NELL1: variants seen among roughly 807,000 people sequenced by gnomAD.
The protein encoded by NELL1 is neural EGFL like 1.
In NELL1, 76 loss-of-function variants were observed where a neutral mutation model predicts 107.4. That is an observed-to-expected ratio of 0.71 (90% CI 0.59 to 0.86). The LOEUF is 0.86. Ranked by LOEUF, NELL1 falls within the 40% of genes least tolerant of loss-of-function variation. The pLI is 0.00. For synonymous variants in NELL1, 353 were observed against 341.2 expected (o/e 1.03, Z -0.38); for missense variants, 1,024 against 1,005.5 (o/e 1.02, Z -0.25).
At chr11:21,516,284 C>T (rs1183041306) in intron 15 of NELL1, among the ~76,000 whole-genome samples, 1 of 152,086 alleles carries the variant, frequency 6.6e-6, no homozygotes, top group Non-Finnish European at 1.5e-5. Flanking sequence ...ACTTAATAGG[C>T]ATTGAAAAAA....
chr11:21,528,020 A>C (rs572104850), intron 15 of NELL1, among the ~76,000 whole-genome samples: 115 of 152,298 alleles, frequency 7.6e-4, no homozygotes, highest in African/African-American at 2.6e-3. Flanking sequence ...TGCATCCTTC[A>C]GTCCAATCAA....
chr11:21,483,868 A>AAT (rs1158492147), intron 15 of NELL1, among the ~76,000 whole-genome samples: 2 of 138,372 alleles, frequency 1.4e-5, no homozygotes, highest in African/African-American at 5.4e-5. Flanking sequence ...TACATATACA[A>AAT]ACACACACAC....
intron 13 of NELL1, among the ~76,000 whole-genome samples, chr11:21,223,412 T>C (rs1857812456): frequency 6.6e-6 from 1 of 152,192 alleles, no homozygotes; most frequent in Admixed American, 6.5e-5. Context: ...TCTATTTGTG[T>C]GGAATATATT....
At position 21,073,791 on chromosome 11, in the gene NELL1, C is replaced by T. The variant is rs1349111392; in HGVS notation, c.1301-39798C>T. 5.9e-5 allele frequency among the ~76,000 whole-genome samples: 9 copies of T among 152,222 alleles called. No individual in the cohort carries two copies. In the South Asian group the frequency reaches 1.5e-3, roughly 25 times the overall value. ...TACATTTTAGTAATATATTTCTAAA[C>T]GTTACTTCGGTTGCTAGATTCAACC... is the stretch of plus-strand genomic sequence containing the variant. On this transcript the variant is annotated intron_variant, in intron 12 of 19. Coordinates refer to ENST00000357134, the MANE Select transcript of NELL1 (RefSeq NM_006157.5).
intron 2 of NELL1, among the ~76,000 whole-genome samples, chr11:20,712,082 C>A (rs1049187348): frequency 1.3e-5 from 2 of 152,070 alleles, no homozygotes; most frequent in African/African-American, 4.8e-5. Flanking sequence ...CTCAGGAGCA[C>A]CAATTATTCT....
chr11:21,343,191 G>C (rs1345469889), intron 14 of NELL1, among the ~76,000 whole-genome samples: 1 of 151,382 alleles, frequency 6.6e-6, no homozygotes, highest in Non-Finnish European at 1.5e-5. Context: ...ATAAAGTCCA[G>C]ACTCCCCAGC....
chr11:21,148,307 C>G (rs1456729976), intron 13 of NELL1, among the ~76,000 whole-genome samples: 1 of 152,160 alleles, frequency 6.6e-6, no homozygotes, highest in African/African-American at 2.4e-5. Flanking sequence ...TCAGAAATTG[C>G]ACAACCTCAC....
At chr11:21,150,483 A>G (rs1358585890) in intron 13 of NELL1, among the ~76,000 whole-genome samples, 12 of 152,162 alleles carry the variant, frequency 7.9e-5, no homozygotes, top group Admixed American at 7.9e-4. Flanking sequence ...GCTAAGAGCC[A>G]TAAGAAGGGC....
intron 4 of NELL1, among the ~76,000 whole-genome samples, chr11:20,864,445 C>T (rs1187227315): frequency 2.6e-5 from 4 of 152,164 alleles, no homozygotes; most frequent in Admixed American, 6.5e-5. Context: ...ATCCTTTGAC[C>T]GACATCTCCT....
At chr11:21,458,479 G>GA (rs1313975079) in intron 15 of NELL1, among the ~76,000 whole-genome samples, 1 of 152,070 alleles carries the variant, frequency 6.6e-6, no homozygotes, top group Non-Finnish European at 1.5e-5. Context: ...GCTGAACAAA[G>GA]AAGGCACAAT....
intron 14 of NELL1, among the ~76,000 whole-genome samples, chr11:21,348,156 T>A (rs1423105142): frequency 1.3e-5 from 2 of 152,138 alleles, no homozygotes; most frequent in East Asian, 3.8e-4. Context: ...CTAGATAGAA[T>A]CATTAAGATA....
intron 14 of NELL1, among the ~76,000 whole-genome samples, chr11:21,279,728 A>G (rs1271641108): frequency 6.6e-6 from 1 of 152,214 alleles, no homozygotes; most frequent in East Asian, 1.9e-4. Context: ...ATTTTTCCAA[A>G]TGAGTTGTAA....
intron 4 of NELL1, among the ~76,000 whole-genome samples, chr11:20,884,030 G>A (rs1163839579): frequency 6.6e-6 from 1 of 152,148 alleles, no homozygotes; most frequent in Non-Finnish European, 1.5e-5. Context: ...TCCTGATTAT[G>A]TTTTGAGTGT....
chr11:21,066,340 A>T (rs374433691), intron 12 of NELL1, among the ~76,000 whole-genome samples: 1 of 152,174 alleles, frequency 6.6e-6, no homozygotes. Flanking sequence ...TGCCTGTGAT[A>T]AGTATTTTAC....
At chr11:21,314,488 A>G (rs1344545310) in intron 14 of NELL1, among the ~76,000 whole-genome samples, 2 of 152,182 alleles carry the variant, frequency 1.3e-5, no homozygotes, top group Non-Finnish European at 2.9e-5. Flanking sequence ...TTAGCATAAC[A>G]TCTGAGACAC....
At chr11:21,549,934 G>A (rs1281624519) in intron 16 of NELL1, among the ~76,000 whole-genome samples, 4 of 151,742 alleles carry the variant, frequency 2.6e-5, no homozygotes, top group Middle Eastern at 6.8e-3. Flanking sequence ...AAAAGAGTGA[G>A]GCAGGGGCTT....
At chr11:21,019,039 G>A (rs575650825) in intron 12 of NELL1, among the ~76,000 whole-genome samples, 25 of 152,152 alleles carry the variant, frequency 1.6e-4, no homozygotes, top group African/African-American at 5.8e-4. Flanking sequence ...ACTCCCCTGC[G>A]GATGGCAGGG....
intron 12 of NELL1, among the ~76,000 whole-genome samples, chr11:21,043,367 A>G (rs1440746112): frequency 1.3e-5 from 2 of 152,160 alleles, no homozygotes; most frequent in Admixed American, 6.6e-5. Flanking sequence ...ATTTTAATAC[A>G]TGCTAGATGT....
chr11:21,554,594 G>A (rs1246054542), intron 16 of NELL1, among the ~76,000 whole-genome samples: 2 of 151,798 alleles, frequency 1.3e-5, no homozygotes, highest in Non-Finnish European at 2.9e-5. Flanking sequence ...TTAAATGTAT[G>A]AGAGAAAAAT....
Sources: gnomAD v4.1 joint callset for allele counts (sites outside exome capture counted in the v4.1 genomes callset) on GRCh38, gnomAD v4.1.1 for gene constraint, MANE v1.5 for transcripts, NCBI Gene and HGNC (gene_info 2026-07-23, HGNC 2026-07-21) for gene names.